Variants in LRMDA observed in about 807,000 individuals in gnomAD.
LRMDA encodes the protein leucine-rich melanocyte differentiation-associated protein.
A neutral mutation model predicts 29.8 loss-of-function variants in LRMDA; 18 were observed. The observed-to-expected ratio is 0.60, with a 90% confidence interval of 0.42 to 0.90. The LOEUF is 0.90. LRMDA is among the 40% of genes least tolerant of loss of function. The pLI, the probability that LRMDA is intolerant of heterozygous loss-of-function variation, is 0.00. For synonymous variants in LRMDA, 125 were observed against 109.4 expected (o/e 1.14, Z -0.89); for missense variants, 273 against 273.9 (o/e 1.00, Z 0.02).
chr10:75,929,555 T>A (rs1436355682), intron 2 of LRMDA, among the ~76,000 whole-genome samples: 1 of 152,152 alleles, frequency 6.6e-6, no homozygotes, highest in East Asian at 1.9e-4. Flanking sequence ...AGTAGAGGGA[T>A]CATACTGTAT....
intron 2 of LRMDA, among the ~76,000 whole-genome samples, chr10:75,619,238 A>G (rs750636666): frequency 2.6e-5 from 4 of 152,180 alleles, no homozygotes; most frequent in African/African-American, 9.7e-5. Flanking sequence ...AAGAAAATCC[A>G]TGTACAAGTG....
intron 2 of LRMDA, among the ~76,000 whole-genome samples, chr10:75,449,529 C>CTTTT (rs5786173): frequency 6.8e-6 from 1 of 146,020 alleles, no homozygotes; most frequent in African/African-American, 2.5e-5. Flanking sequence ...AAGTTTCCTT[C>CTTTT]TTTTTTTTTT....
intron 2 of LRMDA, among the ~76,000 whole-genome samples, chr10:76,007,035 C>T (rs12359938): frequency 0.032 from 1,668 of 52,950 alleles, 73 homozygotes; most frequent in East Asian, 0.12. Flanking sequence ...TGTGTGTGCG[C>T]GTGTGTGTTT....
chr10:75,590,423 G>C (rs1052560496), intron 2 of LRMDA, among the ~76,000 whole-genome samples: 8 of 91,638 alleles, frequency 8.7e-5, no homozygotes, highest in African/African-American at 2.1e-4. Context: ...GTACTTTTAT[G>C]GTTTCCTTAA....
chr10:76,523,403 C>G lies in LRMDA; in HGVS notation c.602-33806C>G, dbSNP rs370321944. Among the ~76,000 whole-genome samples, 12 of 152,224 alleles carry G rather than the reference C, an allele frequency of 7.9e-5. No individual in the cohort carries two copies. In the East Asian group the frequency reaches 2.1e-3, roughly 27 times the overall value. On this transcript the variant is annotated intron_variant, in intron 6 of 6. Transcript: ENST00000611255. ...GAGAAGCCAGATGGCTTACCTCTTCCCTCAGGAAACACGCCGCTATTTAGC... is the reference window on the plus strand; with the variant it reads ...GAGAAGCCAGATGGCTTACCTCTTCGCTCAGGAAACACGCCGCTATTTAGC...
chr10:76,167,800 G>T (rs922532709), intron 5 of LRMDA, among the ~76,000 whole-genome samples: 5 of 152,084 alleles, frequency 3.3e-5, no homozygotes, highest in Non-Finnish European at 7.3e-5. Context: ...TAATGTCAAT[G>T]GTAGTTTAAT....
intron 2 of LRMDA, among the ~76,000 whole-genome samples, chr10:75,749,322 T>C (rs1186731801): frequency 6.6e-6 from 1 of 152,150 alleles, no homozygotes; most frequent in Non-Finnish European, 1.5e-5. Context: ...CTATTAGTAC[T>C]TTTGGGGGAG....
chr10:75,563,871 G>A (rs547339156), intron 2 of LRMDA, among the ~76,000 whole-genome samples: 144 of 151,626 alleles, frequency 9.5e-4, no homozygotes, highest in African/African-American at 3.4e-3. Flanking sequence ...GAATGCTGCT[G>A]TCTGATCGTT....
At chr10:75,476,840 A>T (rs991497806) in intron 2 of LRMDA, among the ~76,000 whole-genome samples, 5 of 152,192 alleles carry the variant, frequency 3.3e-5, no homozygotes, top group Admixed American at 2.6e-4. Context: ...GTAGGCTCAA[A>T]GTCCAAGATG....
chr10:76,426,482 A>T (rs191100533), intron 6 of LRMDA, among the ~76,000 whole-genome samples: 3 of 152,168 alleles, frequency 2.0e-5, no homozygotes, highest in South Asian at 4.2e-4. Flanking sequence ...GTTGGAGTTC[A>T]TTGTAGATTC....
At chr10:76,121,965 G>A (rs564126720) in intron 5 of LRMDA, among the ~76,000 whole-genome samples, 6 of 152,236 alleles carry the variant, frequency 3.9e-5, no homozygotes, top group Non-Finnish European at 7.3e-5. Context: ...GTTCCTGTCC[G>A]AGGAGCTTGC....
chr10:76,272,390 G>T (rs761185376), intron 5 of LRMDA, among the ~76,000 whole-genome samples: 4 of 152,150 alleles, frequency 2.6e-5, no homozygotes, highest in Non-Finnish European at 5.9e-5. Flanking sequence ...CTCTTCAATA[G>T]AACCTGGAAT....
At chr10:75,697,979 A>T (rs758761923) in intron 2 of LRMDA, among the ~76,000 whole-genome samples, 9 of 152,128 alleles carry the variant, frequency 5.9e-5, no homozygotes, top group Non-Finnish European at 1.2e-4. Context: ...TATTTAAATT[A>T]ATACACTTCA....
chr10:75,489,226 T>A (rs1410693035), intron 2 of LRMDA, among the ~76,000 whole-genome samples: 37 of 132,066 alleles, frequency 2.8e-4, no homozygotes, highest in Non-Finnish European at 3.6e-4. Context: ...GGATTTTTAG[T>A]AAAAAAAAAA....
chr10:76,349,788 G>A (rs928614380), intron 6 of LRMDA, among the ~76,000 whole-genome samples: 2 of 152,042 alleles, frequency 1.3e-5, no homozygotes, highest in Non-Finnish European at 2.9e-5. Flanking sequence ...GAAAACAATT[G>A]ATTATTTTCT....
intron 6 of LRMDA, among the ~76,000 whole-genome samples, chr10:76,432,964 A>C (rs775876142): frequency 6.6e-6 from 1 of 152,208 alleles, no homozygotes; most frequent in Non-Finnish European, 1.5e-5. Flanking sequence ...TTATCAGCAC[A>C]GAGGCCCAGG....
chr10:75,862,093 C>T (rs886719806), intron 2 of LRMDA, among the ~76,000 whole-genome samples: 1 of 151,992 alleles, frequency 6.6e-6, no homozygotes, highest in East Asian at 1.9e-4. Context: ...CCCCTATCAA[C>T]CTACAGAATT....
chr10:75,823,113 A>G (rs1235671577), intron 2 of LRMDA, among the ~76,000 whole-genome samples: 2 of 152,234 alleles, frequency 1.3e-5, no homozygotes, highest in Non-Finnish European at 2.9e-5. Context: ...AAGTAGACAA[A>G]TAAGACTTAA....
chr10:76,180,706 C>G (rs1388035421), intron 5 of LRMDA, among the ~76,000 whole-genome samples: 2 of 152,162 alleles, frequency 1.3e-5, no homozygotes, highest in Non-Finnish European at 2.9e-5. Flanking sequence ...CCCTTTACCC[C>G]TGGTTCCATC....
Sources: gnomAD v4.1 joint callset for allele counts (sites outside exome capture counted in the v4.1 genomes callset) on GRCh38, gnomAD v4.1.1 for gene constraint, MANE v1.5 for transcripts, NCBI Gene and HGNC (gene_info 2026-07-23, HGNC 2026-07-21) for gene names.